The following CARMIL3 variants were observed in gnomAD, a reference collection of about 807,000 sequenced individuals.
The protein encoded by CARMIL3 is capping protein regulator and myosin 1 linker 3, also known as capping protein, Arp2/3 and myosin-I linker protein 3.
In CARMIL3, 88 loss-of-function variants were observed where a neutral mutation model predicts 180.8. The observed-to-expected ratio is 0.49, with a 90% CI of 0.41 to 0.58. CARMIL3 has a LOEUF of 0.58. Ranked by LOEUF, CARMIL3 falls within the 20% of genes least tolerant of loss-of-function variation. The pLI, the probability that CARMIL3 is intolerant of heterozygous loss-of-function variation, is 0.00. For missense variants in CARMIL3, 1,548 were observed against 1,787.0 expected (o/e 0.87, Z 2.41); for synonymous variants, 696 against 714.5 (o/e 0.97, Z 0.41).
At position 24,059,548 on chromosome 14, in the gene CARMIL3, C is replaced by A; in HGVS notation, c.1799+106C>A. 6.6e-7 allele frequency: 1 copy of A among 1,510,946 alleles called. No individual in the cohort carries two copies. Among genetic ancestry groups the A allele is most frequent in the African/African-American group, 1.4e-5 (1 of 72,408 alleles). 93.6% of individuals were successfully genotyped at this position (1,510,946 alleles called of 1,614,324 possible). A position where few individuals can be genotyped will look rare whatever the true frequency, so the allele number is the denominator to read the frequency against. On this transcript the variant is annotated intron_variant, in intron 21 of 39. Coordinates refer to ENST00000342740, the MANE Select transcript of CARMIL3 (RefSeq NM_138360.4). The surrounding 1 kb of genome is among the most constrained non-coding windows in gnomAD (Gnocchi z 6.3). The stretch of plus-strand genomic sequence containing the variant: ...CTCTGGACCCCAGCTTCCAGAAGAC[C>A]CCCAGCCCCAGAACCATCTCTGAGT...
At chr14:24,062,125 T>C in intron 27 of CARMIL3, 1 of 394,496 alleles carries the variant, frequency 2.5e-6, no homozygotes, top group Non-Finnish European at 4.7e-6. Flanking sequence ...GGAAGGGTCT[T>C]TCCTACCCTC....
Position 24,052,021 on chromosome 14 carries a change from C to A in CARMIL3, c.-133C>A. On this transcript the variant is annotated 5_prime_UTR_variant, in exon 1 of 40. It adds an upstream start codon to the 5' untranslated region. Coordinates refer to ENST00000342740, the MANE Select transcript of CARMIL3 (RefSeq NM_138360.4). Reference sequence around the variant, plus strand: ...GGGAGGAGCGCTCAAGCAGCCGCCCCTGACCGGAGCGGGCTCGGCCGCTGC... The same window carrying A: ...GGGAGGAGCGCTCAAGCAGCCGCCCATGACCGGAGCGGGCTCGGCCGCTGC... 1 of 851,992 alleles carries A rather than the reference C, an allele frequency of 1.2e-6. No individual in the cohort carries two copies. The allele number at this position is 851,992 out of a possible 1,614,324, so 52.8% of individuals were successfully genotyped here. A position where few individuals can be genotyped will look rare whatever the true frequency, so the allele number is the denominator to read the frequency against.
chr14:24,066,439 G>A lies in CARMIL3; in HGVS notation c.3567G>A (p.Gln1189=). Reference sequence around the variant, plus strand: ...AGGAGGGCAGCACCCAGGCCTGGCAGAAACGGCGCTCTTCAGACGACGCAG... The same window carrying A: ...AGGAGGGCAGCACCCAGGCCTGGCAAAAACGGCGCTCTTCAGACGACGCAG... The part of the protein sequence containing the change: ...PDQEGSTQAW[Q]KRRSSDDAGP... The change falls in exon 35 of 40, where the codon CAG becomes CAA. Residue 1189 remains glutamine, a synonymous_variant. Transcript: ENST00000342740. 1.9e-6 allele frequency: 3 copies of A among 1,614,232 alleles called. No homozygotes were observed. The highest frequency in any genetic ancestry group is 2.5e-6 in the Non-Finnish European group (3 of 1,180,042).
intron 27 of CARMIL3, chr14:24,062,175 A>C (rs1309794801): frequency 1.2e-5 from 6 of 481,672 alleles, no homozygotes; most frequent in Non-Finnish European, 2.3e-5. Context: ...CAGCACCCCA[A>C]TTACCTAGCT....
In CARMIL3 at chr14:24,058,300, T is replaced by C; in HGVS notation, c.1392+76T>C. The C allele has an allele frequency of 6.7e-7, 1 of 1,494,840 alleles. No homozygotes were observed. The highest frequency in any genetic ancestry group is 9.1e-7 in the Non-Finnish European group (1 of 1,099,910). The allele number at this position is 1,494,840 out of a possible 1,614,324, so 92.6% of individuals were successfully genotyped here. A position where few individuals can be genotyped will look rare whatever the true frequency, so the allele number is the denominator to read the frequency against. On this transcript the variant is annotated intron_variant, in intron 17 of 39. Coordinates refer to ENST00000342740, the MANE Select transcript of CARMIL3 (RefSeq NM_138360.4). The surrounding 1 kb of genome is among the most constrained non-coding windows in gnomAD (Gnocchi z 6.4). Reference sequence around the variant, plus strand: ...TCTCAGACCTAAGTCAAACCCTGGCTCCATCTAGCCTCTGTGCTGACCCTC... The same window carrying C: ...TCTCAGACCTAAGTCAAACCCTGGCCCCATCTAGCCTCTGTGCTGACCCTC...
chr14:24,064,093 C>CAAAAAA (rs564964326), intron 31 of CARMIL3, among the ~76,000 whole-genome samples, 153 bp from the exon 32 acceptor site: 2 of 64,168 alleles, frequency 3.1e-5, no homozygotes, highest in Non-Finnish European at 6.3e-5. Context: ...GACTCCGTCT[C>CAAAAAA]AAAAAAAAAA....
intron 39 of CARMIL3, 50 bp from the exon 40 acceptor site, chr14:24,069,329 C>G: frequency 1.2e-6 from 2 of 1,614,038 alleles, no homozygotes; most frequent in East Asian, 2.2e-5. Context: ...CACCAGGTGG[C>G]TGGCTGTCCC....
Position 24,058,024 on chromosome 14 carries a change from G to A in CARMIL3, c.1282G>A (p.Val428Ile), listed in dbSNP as rs367909817. Residue 428 changes from valine (V) to isoleucine (I), a missense_variant, in exon 16 of 40, where the codon GTC (valine) becomes ATC (isoleucine). Transcript: ENST00000342740. This position sits in a 1 kb window ranked among gnomAD's most constrained non-coding sequence, Gnocchi z 6.4. ...CAGCAGCGCCTACACACTGAGCCACGTCAATCTGTCGGCCACAAAGCTGCC... is the reference window on the plus strand; with the variant it reads ...CAGCAGCGCCTACACACTGAGCCACATCAATCTGTCGGCCACAAAGCTGCC... Reference protein sequence around the residue: ...FFSSAYTLSHVNLSATKLPLE... With the variant: ...FFSSAYTLSHINLSATKLPLE... 18 of 1,613,678 alleles carry A rather than the reference G, an allele frequency of 1.1e-5. No homozygotes were observed. Among genetic ancestry groups the A allele is most frequent in the South Asian group, 4.4e-5 (4 of 91,092 alleles).
rs757996744 is a variant in CARMIL3, at chr14:24,065,266, G to A, written c.3389G>A (p.Arg1130Gln). Residue 1130 changes from arginine (R) to glutamine (Q), a missense_variant, in exon 33 of 40, where the codon CGG becomes CAG. Coordinates refer to ENST00000342740, the MANE Select transcript of CARMIL3 (RefSeq NM_138360.4). Reference sequence around the variant, plus strand: ...GGGGGCCGGGGACCTTCCTTCCGCCGGAAGATGGTAAGTGAGGCAGGGGGT... The same window carrying A: ...GGGGGCCGGGGACCTTCCTTCCGCCAGAAGATGGTAAGTGAGGCAGGGGGT... ...FGGGRGPSFR[R>Q]KMGTEGSEPG... is the part of the protein sequence containing the mutation. The A allele has an allele frequency of 1.8e-5, 27 of 1,532,526 alleles. No individual in the cohort carries two copies. Among genetic ancestry groups the A allele is most frequent in the Non-Finnish European group, 2.0e-5 (23 of 1,148,058 alleles). 94.9% of individuals were successfully genotyped at this position (1,532,526 alleles called of 1,614,324 possible).
In CARMIL3 at chr14:24,057,056, A is replaced by G. The variant is rs539513382; in HGVS notation, c.1062+32A>G. Reference sequence around the variant, plus strand: ...CCTCAGAACAGCCTCAGCCCCCTGCAGAAAGCATGCTTAAGCTTCAGGAGC... The same window carrying G: ...CCTCAGAACAGCCTCAGCCCCCTGCGGAAAGCATGCTTAAGCTTCAGGAGC... On this transcript the variant is annotated intron_variant, in intron 13 of 39. Transcript: ENST00000342740. 8.2e-5 allele frequency: 131 copies of G among 1,605,794 alleles called. 1 individual carries two copies. The South Asian group carries it at 1.4e-3, about 17-fold the overall frequency.
chr14:24,065,626 C>T lies in CARMIL3; in HGVS notation c.3401C>T (p.Thr1134Ile), dbSNP rs935250072. The T allele has an allele frequency of 1.2e-6, 2 of 1,611,076 alleles. No homozygotes were observed. The highest frequency in any genetic ancestry group is 1.7e-6 in the Non-Finnish European group (2 of 1,178,732). Reference protein sequence around the residue: ...RGPSFRRKMGTEGSEPGEGGP... With the variant: ...RGPSFRRKMGIEGSEPGEGGP... ...AAATAAGAGACCTTGTTCTAGGGCA[C>T]TGAGGGGTCAGAGCCAGGGGAGGGG... Residue 1134 changes from threonine to isoleucine, a missense_variant, in exon 34 of 40, where the codon ACT (threonine) becomes ATT (isoleucine). Physicochemically the swap from Thr to Ile is moderately conservative, Grantham distance 89. Around this residue, in one of 4 missense-constraint regions of CARMIL3, gnomAD observed 668 missense variants for 687.8 expected, o/e 0.97. Coordinates refer to ENST00000342740, the MANE Select transcript of CARMIL3 (RefSeq NM_138360.4).
At chr14:24,065,341 C>G in intron 33 of CARMIL3, 68 bp downstream of exon 33, 1 of 1,363,554 alleles carries the variant, frequency 7.3e-7, no homozygotes, top group Non-Finnish European at 9.8e-7. Flanking sequence ...TCTCCTACCC[C>G]ACCCCAAGCT....
In CARMIL3 at chr14:24,058,776, C is replaced by G; in HGVS notation, c.1474+15C>G. 1 of 1,614,018 alleles carries G rather than the reference C, an allele frequency of 6.2e-7. No homozygotes were observed. The highest frequency in any genetic ancestry group is 8.5e-7 in the Non-Finnish European group (1 of 1,179,920). On this transcript the variant is annotated intron_variant, in intron 18 of 39. Coordinates refer to ENST00000342740, the MANE Select transcript of CARMIL3 (RefSeq NM_138360.4). This position sits in a 1 kb window ranked among gnomAD's most constrained non-coding sequence, Gnocchi z 6.4. ...GTCAGACAATGGTGAGTAGTGGTTC[C>G]TCCCTTCCCTGGGGCCAGGGGAGAA...
chr14:24,059,221 G>A lies in CARMIL3; in HGVS notation c.1626+32G>A. 1 of 1,613,814 alleles carries A rather than the reference G, an allele frequency of 6.2e-7. No homozygotes were observed. Among genetic ancestry groups the A allele is most frequent in the East Asian group, 2.2e-5 (1 of 44,868 alleles). Reference sequence around the variant, plus strand: ...GCCTGGGCCTGGGAGGGGACCTGCAGTCGGAGGAGGCTGTGGGGACTGGGT... The same window carrying A: ...GCCTGGGCCTGGGAGGGGACCTGCAATCGGAGGAGGCTGTGGGGACTGGGT... On this transcript the variant is annotated intron_variant, in intron 20 of 39. Coordinates refer to ENST00000342740, the MANE Select transcript of CARMIL3 (RefSeq NM_138360.4). The surrounding 1 kb of genome is among the most constrained non-coding windows in gnomAD (Gnocchi z 6.3).
chr14:24,058,683 CG>C lies in CARMIL3; in HGVS notation c.1397del (p.Arg466LeufsTer18). On this transcript the variant is annotated frameshift_variant, in exon 18 of 40. Coordinates refer to ENST00000342740, the MANE Select transcript of CARMIL3 (RefSeq NM_138360.4). LOFTEE classifies it high-confidence loss of function. The surrounding 1 kb of genome is among the most constrained non-coding windows in gnomAD (Gnocchi z 6.4). ...CTACCTCACCTTGTCCCTGCAGCTC[CG>C]TTCAGCGGGAGCCCAAGCCTTGCAG... ...LHLDLSSCEL[R>X]SAGAQALQEQ... is the part of the protein sequence containing the mutation. 1.2e-6 allele frequency: 2 copies of C among 1,614,002 alleles called. No homozygotes were observed. The highest frequency in any genetic ancestry group is 1.7e-6 in the Non-Finnish European group (2 of 1,179,998).
chr14:24,054,995 C>A lies in CARMIL3; in HGVS notation c.461-71C>A, dbSNP rs138273050. 9.4e-5 allele frequency: 145 copies of A among 1,538,112 alleles called. No individual in the cohort carries two copies. In the African/African-American group the frequency reaches 1.9e-3, roughly 20 times the overall value. On this transcript the variant is annotated intron_variant, in intron 6 of 39. Transcript: ENST00000342740. The surrounding 1 kb of genome is among the most constrained non-coding windows in gnomAD (Gnocchi z 5.1). ...GCACTGGCACATAAAGTGACCTTGA[C>A]TGTTCTTGAACCCCAAGCCTATTCC...
chr14:24,061,787 G>C lies in CARMIL3; in HGVS notation c.2480+115G>C. 8.4e-7 allele frequency: 1 copy of C among 1,187,694 alleles called. No homozygotes were observed. Among genetic ancestry groups the C allele is most frequent in the Non-Finnish European group, 1.2e-6 (1 of 856,552 alleles). 73.6% of individuals were successfully genotyped at this position (1,187,694 alleles called of 1,614,324 possible). A position where few individuals can be genotyped will look rare whatever the true frequency, so the allele number is the denominator to read the frequency against. Reference sequence around the variant, plus strand: ...ATGAATGGCACAATCTCCATTACAAGGATCAATCTTTAACCAAGTGCAACC... The same window carrying C: ...ATGAATGGCACAATCTCCATTACAACGATCAATCTTTAACCAAGTGCAACC... On this transcript the variant is annotated intron_variant, in intron 27 of 39. Transcript: ENST00000342740. The surrounding 1 kb of genome is among the most constrained non-coding windows in gnomAD (Gnocchi z 4.1).
chr14:24,065,197 G>A lies in CARMIL3; in HGVS notation c.3320G>A (p.Cys1107Tyr). 1 of 1,538,214 alleles carries A rather than the reference G, an allele frequency of 6.5e-7. No individual in the cohort carries two copies. Among genetic ancestry groups the A allele is most frequent in the African/African-American group, 1.5e-5 (1 of 67,832 alleles). The change falls in exon 33 of 40, where the codon TGC becomes TAC. Residue 1107 changes from cysteine (C) to tyrosine (Y), a missense_variant. Around this residue, in one of 4 missense-constraint regions of CARMIL3, gnomAD observed 668 missense variants for 687.8 expected, o/e 0.97. Coordinates refer to ENST00000342740, the MANE Select transcript of CARMIL3 (RefSeq NM_138360.4). ...PPSLGNNSSP[C>Y]WSPEEESSLL... ...AGCCTCGGCAATAACTCCTCTCCCTGCTGGAGCCCAGAGGAGGAGAGCAGC... is the reference window on the plus strand; with the variant it reads ...AGCCTCGGCAATAACTCCTCTCCCTACTGGAGCCCAGAGGAGGAGAGCAGC...
In CARMIL3 at chr14:24,054,896, G is replaced by A. The variant is rs190493569; in HGVS notation, c.460+88G>A. The A allele has an allele frequency of 1.1e-4, 156 of 1,455,788 alleles. No individual in the cohort carries two copies. Among genetic ancestry groups the A allele is most frequent in the Middle Eastern group, 3.7e-4 (2 of 5,398 alleles). The allele number at this position is 1,455,788 out of a possible 1,614,324, so 90.2% of individuals were successfully genotyped here. A position where few individuals can be genotyped will look rare whatever the true frequency, so the allele number is the denominator to read the frequency against. ...TTTGTGCACAGGGTGTTGCCTGGGCGGGCGGGCTTTGCCTGCCTGAAGGAC... is the reference window on the plus strand; with the variant it reads ...TTTGTGCACAGGGTGTTGCCTGGGCAGGCGGGCTTTGCCTGCCTGAAGGAC... On this transcript the variant is annotated intron_variant, in intron 6 of 39. Coordinates refer to ENST00000342740, the MANE Select transcript of CARMIL3 (RefSeq NM_138360.4). The surrounding 1 kb of genome is among the most constrained non-coding windows in gnomAD (Gnocchi z 5.1).
Sources: allele counts gnomAD v4.1 joint callset (sites outside exome capture counted in the v4.1 genomes callset), GRCh38; gene constraint gnomAD v4.1.1; regional missense constraint gnomAD v4.1.1; non-coding constraint Gnocchi (gnomAD v3.1); transcripts MANE v1.5; gene names NCBI Gene and HGNC (gene_info 2026-07-23, HGNC 2026-07-21).